HAS3: variants seen among roughly 807,000 people sequenced by gnomAD.
HAS3 encodes the protein hyaluronan synthase 3.
In HAS3, 27 loss-of-function variants were observed where a neutral mutation model predicts 50.3. That is an observed-to-expected ratio of 0.54 (90% confidence interval 0.40 to 0.74). The LOEUF (loss-of-function observed/expected upper bound fraction) is 0.74, where lower values mean the gene tolerates loss of function less well. Among genes scored for constraint, HAS3 ranks in the 30% least tolerant of loss-of-function variants. The pLI, the probability that HAS3 is intolerant of heterozygous loss-of-function variation, is 0.00. For missense variants in HAS3, 517 were observed against 742.8 expected (o/e 0.70, Z 3.53); for synonymous variants, 339 against 310.9 (o/e 1.09, Z -0.95).
chr16:69,110,809 C>T (rs554829200), intron 2 of HAS3, among the ~76,000 whole-genome samples: 8 of 152,300 alleles, frequency 5.3e-5, no homozygotes, highest in African/African-American at 1.9e-4. Flanking sequence ...TGAACCTCTT[C>T]ATAAGAAAGC....
At chr16:69,087,234 C>T in the HAS3 span, among the ~76,000 whole-genome samples, 2 of 152,210 alleles carry the variant, frequency 1.3e-5, no homozygotes, top group South Asian at 2.1e-4. Flanking sequence ...TTCCCAGGCC[C>T]GCCATCCACC....
chr16:69,107,216 T>C lies in HAS3; in HGVS notation c.-1+1429T>C, dbSNP rs939258610. On this transcript the variant is annotated intron_variant, in intron 1 of 3. Transcript: ENST00000569188. The surrounding 1 kb of genome is among the most constrained non-coding windows in gnomAD (Gnocchi z 5.5). ...GACCACAGCCTGCACCAGCGCCTGA[T>C]TGCACGTGGGGTATCTGGCTGAGGG... 20 of 489,098 alleles carry C rather than the reference T, an allele frequency of 4.1e-5. No individual in the cohort carries two copies. Among genetic ancestry groups the C allele is most frequent in the East Asian group, 1.5e-4 (1 of 6,554 alleles). 30.3% of individuals were successfully genotyped at this position (489,098 alleles called of 1,614,324 possible).
upstream of HAS3, among the ~76,000 whole-genome samples, chr16:69,102,755 G>A (rs1960709949): frequency 6.6e-6 from 1 of 152,220 alleles, no homozygotes; most frequent in African/African-American, 2.4e-5. Context: ...GGAGCTGGCG[G>A]CGTGAGAAGG....
intron 1 of HAS3, 122 bp downstream of exon 1, chr16:69,105,909 A>G (rs988950920): frequency 6.6e-6 from 1 of 152,276 alleles, no homozygotes; most frequent in East Asian, 1.9e-4. Context: ...GTTGAGCCCA[A>G]TGACCGTCTT....
At chr16:69,083,863 G>A in the HAS3 span, 1 of 552,996 alleles carries the variant, frequency 1.8e-6, no homozygotes, top group Non-Finnish European at 3.2e-6. Flanking sequence ...AGCCTGAGGG[G>A]TGTACAGTTA....
rs1960910157 is a variant in HAS3, at chr16:69,109,207, A to G, written c.1-189A>G. Reference sequence around the variant, plus strand: ...ACAGATGACGTAAGGGGGCACAGACATCAAGTGGCAGAGCTGGGATCTGAA... The same window carrying G: ...ACAGATGACGTAAGGGGGCACAGACGTCAAGTGGCAGAGCTGGGATCTGAA... On this transcript the variant is annotated intron_variant, in intron 1 of 3. Transcript: ENST00000569188. The surrounding 1 kb of genome is among the most constrained non-coding windows in gnomAD (Gnocchi z 5.3). 6.6e-6 allele frequency among the ~76,000 whole-genome samples: 1 copy of G among 152,250 alleles called. No homozygotes were observed. Among genetic ancestry groups the G allele is most frequent in the Non-Finnish European group, 1.5e-5 (1 of 68,046 alleles).
the HAS3 span, among the ~76,000 whole-genome samples, chr16:69,098,251 G>A: frequency 2.0e-5 from 3 of 152,072 alleles, no homozygotes; most frequent in Admixed American, 2.0e-4. Context: ...GGCACCTGTA[G>A]TCCAAGCTAC....
Position 69,109,835 on chromosome 16 carries a change from GCTT to G in HAS3, c.444_446del (p.Phe149del). 1 of 1,613,068 alleles carries G rather than the reference GCTT, an allele frequency of 6.2e-7. No homozygotes were observed. The highest frequency in any genetic ancestry group is 8.5e-7 in the Non-Finnish European group (1 of 1,180,032). On this transcript the variant is annotated inframe_deletion, in exon 2 of 4. Coordinates refer to ENST00000569188, the MANE Select transcript of HAS3 (RefSeq NM_001199280.2). The surrounding 1 kb of genome is among the most constrained non-coding windows in gnomAD (Gnocchi z 5.3). ...GTGCTGGGCGGCACCGAGCAGGCCGGCTTCTTTGTGTGGCGCAGCAACTTCCAT... is the reference window on the plus strand; with the variant it reads ...GTGCTGGGCGGCACCGAGCAGGCCGGCTTTGTGTGGCGCAGCAACTTCCAT...
chr16:69,103,503 C>G (rs574456518), upstream of HAS3, among the ~76,000 whole-genome samples: 1 of 152,284 alleles, frequency 6.6e-6, no homozygotes, highest in East Asian at 1.9e-4. Context: ...TCAAGTGATT[C>G]TCCTGCCTCA....
chr16:69,115,670 CAG>C lies in HAS3; in HGVS notation c.*407_*408del. 2.0e-6 allele frequency: 2 copies of C among 995,162 alleles called. No homozygotes were observed. The highest frequency in any genetic ancestry group is 9.3e-5 in the South Asian group (2 of 21,510). The allele number at this position is 995,162 out of a possible 1,614,324, so 61.6% of individuals were successfully genotyped here. A position where few individuals can be genotyped will look rare whatever the true frequency, so the allele number is the denominator to read the frequency against. On this transcript the variant is annotated 3_prime_UTR_variant, in exon 4 of 4. Transcript: ENST00000569188. ...TTCTCCCAGCCCATCTGAACACAAC[CAG>C]AGGTGGCAGGAGAATTTCTACTGAG... is the stretch of plus-strand genomic sequence containing the variant.
chr16:69,098,275 G>A, the HAS3 span, among the ~76,000 whole-genome samples: 2 of 152,124 alleles, frequency 1.3e-5, no homozygotes, highest in South Asian at 2.1e-4. Context: ...GGAGGCTGAG[G>A]CAGGAGAATG....
the HAS3 span, among the ~76,000 whole-genome samples, chr16:69,087,171 C>T: frequency 6.6e-6 from 1 of 152,170 alleles, no homozygotes; most frequent in African/African-American, 2.4e-5. Flanking sequence ...CAGCCTTGTG[C>T]TTGGTCCCGT....
chr16:69,111,157 AT>A (rs71148963), intron 2 of HAS3, among the ~76,000 whole-genome samples: 145 of 62,254 alleles, frequency 2.3e-3, no homozygotes, highest in East Asian at 0.013. Context: ...CTAGGCCAGG[AT>A]TTTTTTTTTT....
At chr16:69,096,534 C>CAAAAAAAAA in the HAS3 span, among the ~76,000 whole-genome samples, 2 of 35,316 alleles carry the variant, frequency 5.7e-5, no homozygotes, top group Non-Finnish European at 9.2e-5. Context: ...GACTCTGTCT[C>CAAAAAAAAA]AAAAAAAAAA....
the HAS3 span, among the ~76,000 whole-genome samples, chr16:69,095,395 C>T: frequency 3.9e-4 from 60 of 152,146 alleles, no homozygotes; most frequent in African/African-American, 1.4e-3. Context: ...GAGCTCACCG[C>T]CTGACTGGCT....
At position 69,113,442 on chromosome 16, in the gene HAS3, T is replaced by A; in HGVS notation, c.638T>A (p.Val213Glu). The A allele has an allele frequency of 6.2e-7, 1 of 1,606,400 alleles. No homozygotes were observed. Among genetic ancestry groups the A allele is most frequent in the Non-Finnish European group, 8.5e-7 (1 of 1,173,174 alleles). Residue 213 changes from valine (V) to glutamate (E), a missense_variant and splice_region_variant, in exon 3 of 4, where the codon GTG (valine) becomes GAG (glutamate). Physicochemically the swap from Val to Glu is moderately radical, Grantham distance 121. Coordinates refer to ENST00000569188, the MANE Select transcript of HAS3 (RefSeq NM_001199280.2). ...ALGDSVDYIQ[V>E]CDSDTVLDPA... Reference sequence around the variant, plus strand: ...GCTGACGACGCACTCCCTCTGCAGGTGTGCGACTCTGACACTGTGCTGGAT... The same window carrying A: ...GCTGACGACGCACTCCCTCTGCAGGAGTGCGACTCTGACACTGTGCTGGAT...
chr16:69,118,259 G>T (rs576908984), downstream of HAS3: 8 of 791,868 alleles, frequency 1.0e-5, no homozygotes, highest in Non-Finnish European at 1.8e-5. Context: ...CTAAGTCCCA[G>T]GAGAAGGGAG....
the HAS3 span, among the ~76,000 whole-genome samples, chr16:69,086,627 G>A: frequency 1.2e-4 from 18 of 151,632 alleles, no homozygotes; most frequent in Non-Finnish European, 2.1e-4. Context: ...AAAAACGGCC[G>A]GGCACAGTGG....
At position 69,117,407 on chromosome 16, in the gene HAS3, G is replaced by A. The variant is rs1017424112; in HGVS notation, c.*2141G>A. ...TCGACTGGTTTTTCTAAGTTATTTT[G>A]TACATTTTTCAGCAGCAAAACCAAA... On this transcript the variant is annotated 3_prime_UTR_variant, in exon 4 of 4. Coordinates refer to ENST00000569188, the MANE Select transcript of HAS3 (RefSeq NM_001199280.2). The A allele has an allele frequency of 2.0e-6, 2 of 985,624 alleles. No individual in the cohort carries two copies. The highest frequency in any genetic ancestry group is 3.5e-5 in the African/African-American group (2 of 57,194). 61.1% of individuals were successfully genotyped at this position (985,624 alleles called of 1,614,324 possible).
Sources: allele counts gnomAD v4.1 joint callset (sites outside exome capture counted in the v4.1 genomes callset), GRCh38; gene constraint gnomAD v4.1.1; non-coding constraint Gnocchi (gnomAD v3.1); transcripts MANE v1.5; gene names NCBI Gene and HGNC (gene_info 2026-07-23, HGNC 2026-07-21).